CPNE9: variants seen among roughly 807,000 people sequenced by gnomAD.
CPNE9 encodes copine family member 9, also known as copine-9.
CPNE9 carries 59 observed loss-of-function variants against 83.0 expected under a neutral mutation model. The observed-to-expected ratio is 0.71, with a 90% CI of 0.58 to 0.88. CPNE9 has a LOEUF of 0.88. Among genes scored for constraint, CPNE9 ranks in the 40% least tolerant of loss-of-function variants. CPNE9 has a pLI of 0.00. For missense variants in CPNE9, 619 were observed against 720.8 expected (o/e 0.86, Z 1.62); for synonymous variants, 256 against 273.4 (o/e 0.94, Z 0.63).
In CPNE9 at chr3:9,713,067, G is replaced by A. The variant is rs369110890; in HGVS notation, c.638G>A (p.Gly213Glu). 1 of 1,613,938 alleles carries A rather than the reference G, an allele frequency of 6.2e-7. No individual in the cohort carries two copies. The highest frequency in any genetic ancestry group is 8.5e-7 in the Non-Finnish European group (1 of 1,179,836). Reference sequence around the variant, plus strand: ...ATCCCTGTGCGGGCTCTGTGCAATGGAGACTATGACAGGTTGGCTCCAGCA... The same window carrying A: ...ATCCCTGTGCGGGCTCTGTGCAATGAAGACTATGACAGGTTGGCTCCAGCA... The part of the protein sequence containing the change: ...FSIPVRALCN[G>E]DYDRTVKIDV... The change falls in exon 10 of 21, where the codon GGA becomes GAA. Residue 213 changes from glycine to glutamate, a missense_variant. Physicochemically the swap from Gly to Glu is moderately conservative, Grantham distance 98 (BLOSUM62 -2). This residue lies in a region of CPNE9 where 438 missense variants were observed against 562.9 expected (regional missense o/e 0.78). Transcript: ENST00000383832.
chr3:9,715,769 T>G (rs1451312687), intron 13 of CPNE9, among the ~76,000 whole-genome samples: 2 of 152,264 alleles, frequency 1.3e-5, no homozygotes, highest in South Asian at 2.1e-4. Context: ...CCCAATTTAA[T>G]ATACTTTTGG....
intron 7 of CPNE9, among the ~76,000 whole-genome samples, chr3:9,708,348 G>C (rs1057168231): frequency 6.6e-6 from 1 of 152,208 alleles, no homozygotes; most frequent in Non-Finnish European, 1.5e-5. Context: ...ACGAGAGAGA[G>C]AGAACCAAAG....
chr3:9,705,089 G>C (rs2076548434), intron 4 of CPNE9, 95 bp downstream of exon 4: 1 of 923,800 alleles, frequency 1.1e-6, no homozygotes, highest in African/African-American at 1.6e-5. Flanking sequence ...CTCCGGCCTG[G>C]TTCTTCTCGC....
chr3:9,726,660 T>C lies in CPNE9; in HGVS notation c.1345-5T>C, dbSNP rs779370061. Reference sequence around the variant, plus strand: ...CCCCAACAGTTCACCCTCTTTCCCCTACAGGCCTCCTCATTGCCCATGTCT... The same window carrying C: ...CCCCAACAGTTCACCCTCTTTCCCCCACAGGCCTCCTCATTGCCCATGTCT... On this transcript the variant is annotated splice_region_variant and splice_polypyrimidine_tract_variant and intron_variant, in intron 18 of 20. Coordinates refer to ENST00000383832, the MANE Select transcript of CPNE9 (RefSeq NM_153635.3). 4 of 1,613,318 alleles carry C rather than the reference T, an allele frequency of 2.5e-6. No homozygotes were observed. The highest frequency in any genetic ancestry group is 3.4e-6 in the Non-Finnish European group (4 of 1,179,358).
intron 10 of CPNE9, among the ~76,000 whole-genome samples, chr3:9,713,853 C>T (rs1249717957): frequency 3.3e-5 from 5 of 151,924 alleles, no homozygotes; most frequent in African/African-American, 9.7e-5. Flanking sequence ...GGGCAGATCA[C>T]GAGGTCAGGA....
chr3:9,720,282 G>A (rs1436781848), intron 17 of CPNE9, among the ~76,000 whole-genome samples: 1 of 151,762 alleles, frequency 6.6e-6, no homozygotes, highest in Non-Finnish European at 1.5e-5. Context: ...AAGCTCAGAA[G>A]TAAAAAGATT....
At chr3:9,723,328 C>T (rs772454938) in intron 17 of CPNE9, among the ~76,000 whole-genome samples, 3 of 152,100 alleles carry the variant, frequency 2.0e-5, no homozygotes, top group African/African-American at 4.8e-5. Context: ...AAAAATTAGC[C>T]GGGCATGGTG....
At chr3:9,713,186 C>A in intron 10 of CPNE9, 107 bp downstream of exon 10, 1 of 828,798 alleles carries the variant, frequency 1.2e-6, no homozygotes, top group Non-Finnish European at 1.9e-6. Context: ...GAGGGTCCTG[C>A]TCAGTGAGAC....
intron 17 of CPNE9, among the ~76,000 whole-genome samples, chr3:9,722,371 T>C (rs751672040): frequency 2.0e-5 from 3 of 152,206 alleles, no homozygotes; most frequent in Non-Finnish European, 2.9e-5. Context: ...AGGCATAGAC[T>C]GGCCTCCTCT....
At chr3:9,712,909 G>A in intron 9 of CPNE9, 66 bp from the exon 10 acceptor site, 2 of 1,544,314 alleles carry the variant, frequency 1.3e-6, no homozygotes, top group Non-Finnish European at 1.8e-6. Flanking sequence ...ATCTCTGAGA[G>A]CATCTGGATT....
At chr3:9,720,994 A>G (rs1220372074) in intron 17 of CPNE9, among the ~76,000 whole-genome samples, 1 of 152,226 alleles carries the variant, frequency 6.6e-6, no homozygotes, top group Admixed American at 6.5e-5. Flanking sequence ...CTAACTAATT[A>G]ATATATGTCA....
At chr3:9,726,763 A>C (rs1196951938) in intron 19 of CPNE9, 41 bp downstream of exon 19, 6 of 1,584,020 alleles carry the variant, frequency 3.8e-6, no homozygotes, top group Non-Finnish European at 5.2e-6. Context: ...CTAAGAACTA[A>C]GGAGAAAAGT....
intron 13 of CPNE9, 21 bp from the exon 14 acceptor site, chr3:9,715,953 G>A: frequency 6.2e-7 from 1 of 1,608,076 alleles, no homozygotes; most frequent in Non-Finnish European, 8.5e-7. Flanking sequence ...AAGTGCCAGG[G>A]CTGCCTATTC....
At chr3:9,726,556 T>A (rs2076786568) in intron 18 of CPNE9, 109 bp from the exon 19 acceptor site, 1 of 822,074 alleles carries the variant, frequency 1.2e-6, no homozygotes. Flanking sequence ...GTGCCTCTGC[T>A]TACAAGATGT....
Position 9,703,967 on chromosome 3 carries a change from C to A in CPNE9, c.-30C>A. ...AGCCCCAGCAGCCCTGGTCTCGCAG[C>A]CTCCTGCGGCTCTGGTCGCCCGACC... is the stretch of plus-strand genomic sequence containing the variant. On this transcript the variant is annotated 5_prime_UTR_variant, in exon 1 of 21. Coordinates refer to ENST00000383832, the MANE Select transcript of CPNE9 (RefSeq NM_153635.3). 1 of 1,577,430 alleles carries A rather than the reference C, an allele frequency of 6.3e-7. No homozygotes were observed. Among genetic ancestry groups the A allele is most frequent in the Non-Finnish European group, 8.6e-7 (1 of 1,164,750 alleles).
chr3:9,709,084 G>A (rs2125461699), intron 7 of CPNE9, among the ~76,000 whole-genome samples: 1 of 150,352 alleles, frequency 6.7e-6, no homozygotes, highest in Non-Finnish European at 1.5e-5. Flanking sequence ...GACCAGCCTG[G>A]CCAAAATAGT....
intron 8 of CPNE9, 30 bp downstream of exon 8, chr3:9,712,634 A>T: frequency 6.2e-7 from 1 of 1,611,540 alleles, no homozygotes; most frequent in Non-Finnish European, 8.5e-7. Flanking sequence ...TAGACCCAGG[A>T]GCTCCCTTCT....
intron 17 of CPNE9, among the ~76,000 whole-genome samples, chr3:9,724,318 G>T (rs897836081): frequency 1.3e-5 from 2 of 152,010 alleles, no homozygotes; most frequent in African/African-American, 4.8e-5. Context: ...TCTGGAAGCA[G>T]CTGTTAGATT....
Position 9,729,559 on chromosome 3 carries a change from T to A in CPNE9, c.1529T>A (p.Met510Lys). Residue 510 changes from methionine (M) to lysine (K), a missense_variant, in exon 21 of 21, where the codon ATG (methionine) becomes AAG (lysine). Physicochemically the swap from Met to Lys is moderately conservative, Grantham distance 95. This residue lies in a region of CPNE9 where 438 missense variants were observed against 562.9 expected (regional missense o/e 0.78). Coordinates refer to ENST00000383832, the MANE Select transcript of CPNE9 (RefSeq NM_153635.3). ...VDRSGNQVLSMARLAKDVLAE... is the reference protein window; with the variant it reads ...VDRSGNQVLSKARLAKDVLAE... ...CGGTCGGGGAACCAGGTGTTGAGCATGGCCCGACTGGCCAAGGATGTGCTG... is the reference window on the plus strand; with the variant it reads ...CGGTCGGGGAACCAGGTGTTGAGCAAGGCCCGACTGGCCAAGGATGTGCTG... The A allele has an allele frequency of 3.1e-6, 5 of 1,614,118 alleles. No homozygotes were observed. Among genetic ancestry groups the A allele is most frequent in the Non-Finnish European group, 2.5e-6 (3 of 1,180,010 alleles).
Sources: allele counts gnomAD v4.1 joint callset (sites outside exome capture counted in the v4.1 genomes callset), GRCh38; gene constraint gnomAD v4.1.1; regional missense constraint gnomAD v4.1.1; transcripts MANE v1.5; gene names NCBI Gene and HGNC (gene_info 2026-07-23, HGNC 2026-07-21).